The following RAB5B variants were observed in gnomAD, a reference collection of about 807,000 sequenced individuals.
RAB5B encodes the protein ras-related protein Rab-5B.
Under a neutral mutation model 28.6 loss-of-function variants are expected in RAB5B, and 11 were observed. The ratio of observed to expected loss-of-function variants is 0.38; its 90% CI spans 0.24 to 0.64. The LOEUF is 0.64. Among genes scored for constraint, RAB5B ranks in the 30% least tolerant of loss-of-function variants. The pLI is 0.53. For synonymous variants in RAB5B, 93 were observed against 97.9 expected, an observed-to-expected ratio of 0.95 and a Z score of 0.29; for missense variants, 169 against 265.6, an observed-to-expected ratio of 0.64 and a Z score of 2.53.
chr12:55,989,977 A>G lies in RAB5B; in HGVS notation c.194A>G (p.Asp65Gly), dbSNP rs1890060865. ...TTCCTCACCCAGTCCGTTTGTCTAG[A>G]TGACACAACAGTGAAGTTTGAGATC... ...AAFLTQSVCL[D>G]DTTVKFEIWD... Residue 65 changes from aspartate (D) to glycine (G), a missense_variant, in exon 3 of 6, where the codon GAT (aspartate) becomes GGT (glycine). Asp to Gly is a moderately conservative substitution (Grantham distance 94, BLOSUM62 -1). Around this residue, in one of 3 missense-constraint regions of RAB5B, gnomAD observed 43 missense variants for 85.8 expected, o/e 0.50. Coordinates refer to ENST00000360299, the MANE Select transcript of RAB5B (RefSeq NM_002868.4). 3 of 1,613,472 alleles carry G rather than the reference A, an allele frequency of 1.9e-6. No homozygotes were observed. The highest frequency in any genetic ancestry group is 2.5e-6 in the Non-Finnish European group (3 of 1,179,552).
rs556299769 is a variant in RAB5B, at chr12:55,985,630, G to A, written c.-92-1239G>A. ...TTCTTAGCCCTCTTAGAAGATAGAG[G>A]AGCTGATTCAGTGTATTCTTTCATC... On this transcript the variant is annotated intron_variant, in intron 1 of 5. Coordinates refer to ENST00000360299, the MANE Select transcript of RAB5B (RefSeq NM_002868.4). 8.2e-5 allele frequency: 37 copies of A among 451,392 alleles called. No homozygotes were observed. The East Asian group carries it at 2.6e-3, about 32-fold the overall frequency. The allele number at this position is 451,392 out of a possible 1,614,324, so 28.0% of individuals were successfully genotyped here. A position where few individuals can be genotyped will look rare whatever the true frequency, so the allele number is the denominator to read the frequency against.
chr12:55,974,911 G>A (rs565788397), intron 1 of RAB5B, among the ~76,000 whole-genome samples: 33 of 146,242 alleles, frequency 2.3e-4, no homozygotes, highest in African/African-American at 8.0e-4. Flanking sequence ...GGGTAGGGAT[G>A]AAGATCAAAG....
intron 1 of RAB5B, among the ~76,000 whole-genome samples, chr12:55,979,079 A>G (rs185928084): frequency 1.4e-4 from 22 of 152,220 alleles, no homozygotes; most frequent in Non-Finnish European, 1.5e-5. Context: ...GGCCAGAAAT[A>G]CAGTCTTAAT....
intron 2 of RAB5B, among the ~76,000 whole-genome samples, chr12:55,987,835 A>G (rs1402969365): frequency 2.7e-5 from 4 of 150,354 alleles, no homozygotes; most frequent in African/African-American, 9.8e-5. Context: ...CCATCTCCAA[A>G]AAAAAAAAAA....
intron 1 of RAB5B, among the ~76,000 whole-genome samples, chr12:55,984,639 G>A (rs1291434278): frequency 1.3e-5 from 2 of 151,752 alleles, no homozygotes. Flanking sequence ...ACCACACCCA[G>A]CTAATTTTTT....
chr12:55,981,806 CTTTT>C (rs760479306), intron 1 of RAB5B, among the ~76,000 whole-genome samples: 1 of 141,248 alleles, frequency 7.1e-6, no homozygotes, highest in Non-Finnish European at 1.6e-5. Flanking sequence ...AGCCGTACTT[CTTTT>C]TTTTTTTTTT....
chr12:55,983,370 A>G (rs1889862207), intron 1 of RAB5B, among the ~76,000 whole-genome samples: 1 of 152,254 alleles, frequency 6.6e-6, no homozygotes. Flanking sequence ...TTAAAATGTT[A>G]TAATTAAAGA....
At position 55,992,841 on chromosome 12, in the gene RAB5B, G is replaced by A. The variant is rs776805850; in HGVS notation, c.*629G>A. 7.4e-6 allele frequency: 2 copies of A among 271,094 alleles called. No individual in the cohort carries two copies. Among genetic ancestry groups the A allele is most frequent in the Non-Finnish European group, 1.4e-5 (2 of 141,960 alleles). The allele number at this position is 271,094 out of a possible 1,614,324, so 16.8% of individuals were successfully genotyped here. A position where few individuals can be genotyped will look rare whatever the true frequency, so the allele number is the denominator to read the frequency against. Reference sequence around the variant, plus strand: ...GGAGGGTGTTCCTAGGTAGAGGTGAGAATGGGGAGGCAAGATCTCAGGCAC... The same window carrying A: ...GGAGGGTGTTCCTAGGTAGAGGTGAAAATGGGGAGGCAAGATCTCAGGCAC... On this transcript the variant is annotated 3_prime_UTR_variant, in exon 6 of 6. Transcript: ENST00000360299.
At chr12:55,983,699 G>A (rs963025396) in intron 1 of RAB5B, among the ~76,000 whole-genome samples, 4 of 133,564 alleles carry the variant, frequency 3.0e-5, no homozygotes, top group African/African-American at 8.6e-5. Context: ...TTGTTCTGTC[G>A]CCCAGGCTGG....
chr12:55,975,873 T>C (rs999545483), intron 1 of RAB5B, among the ~76,000 whole-genome samples: 1 of 137,598 alleles, frequency 7.3e-6, no homozygotes, highest in Non-Finnish European at 1.5e-5. Flanking sequence ...TGCCTCAGCC[T>C]CCCAAGTAGC....
intron 4 of RAB5B, 24 bp from the exon 5 acceptor site, chr12:55,991,336 A>G (rs2136490993): frequency 6.4e-7 from 1 of 1,570,222 alleles, no homozygotes; most frequent in Middle Eastern, 1.7e-4. Flanking sequence ...CATTCTGAGC[A>G]CTAATACATC....
intron 5 of RAB5B, 185 bp from the exon 6 acceptor site, chr12:55,991,912 C>T: frequency 1.8e-5 from 10 of 545,538 alleles, no homozygotes; most frequent in Middle Eastern, 5.0e-4. Context: ...GGCAACAGAG[C>T]GAGACTCCAT....
At position 55,990,685 on chromosome 12, in the gene RAB5B, A is replaced by T; in HGVS notation, c.319A>T (p.Thr107Ser). Residue 107 changes from threonine to serine, a missense_variant, in exon 4 of 6, where the codon ACC (threonine) becomes TCC (serine). Physicochemically the swap from Thr to Ser is moderately conservative, Grantham distance 58 (BLOSUM62 1). This residue lies in a region of RAB5B where 123 missense variants were observed against 162.4 expected (regional missense o/e 0.76). Coordinates refer to ENST00000360299, the MANE Select transcript of RAB5B (RefSeq NM_002868.4). ...CATTCTCTTCATGTTTTCCTAGGAAACCTTTGCCCGAGCAAAGACATGGGT... is the reference window on the plus strand; with the variant it reads ...CATTCTCTTCATGTTTTCCTAGGAATCCTTTGCCCGAGCAAAGACATGGGT... ...IVVYDITNQE[T>S]FARAKTWVKE... is the part of the protein sequence containing the mutation. 1 of 1,613,586 alleles carries T rather than the reference A, an allele frequency of 6.2e-7. No homozygotes were observed. Among genetic ancestry groups the T allele is most frequent in the South Asian group, 1.1e-5 (1 of 91,084 alleles).
At chr12:55,980,478 T>C (rs1427207924) in intron 1 of RAB5B, 2 of 1,591,874 alleles carry the variant, frequency 1.3e-6, no homozygotes, top group African/African-American at 2.7e-5. Flanking sequence ...AGGTCAGTAC[T>C]GGGAGGCTTG....
chr12:55,974,530 C>T (rs1028032043), intron 1 of RAB5B, among the ~76,000 whole-genome samples: 1 of 152,086 alleles, frequency 6.6e-6, no homozygotes, highest in South Asian at 2.1e-4. Context: ...AGACCTGTCG[C>T]CCGAGCCCCG....
intron 1 of RAB5B, among the ~76,000 whole-genome samples, chr12:55,982,244 CAA>C (rs62786060): frequency 0.38 from 43,837 of 114,852 alleles, 6,854 homozygotes; most frequent in Non-Finnish European, 0.48. Flanking sequence ...ACTGGTTTAC[CAA>C]AAAAAAAAAA....
At chr12:55,982,564 T>C (rs1184948464) in intron 1 of RAB5B, among the ~76,000 whole-genome samples, 1 of 151,952 alleles carries the variant, frequency 6.6e-6, no homozygotes, top group Non-Finnish European at 1.5e-5. Flanking sequence ...AAAATGCTGG[T>C]ATTACAGGCG....
Position 55,994,486 on chromosome 12 carries a change from G to A in RAB5B, c.*2274G>A, listed in dbSNP as rs988602694. The A allele has an allele frequency of 1.4e-5, 2 of 147,542 alleles. No homozygotes were observed. The highest frequency in any genetic ancestry group is 5.0e-5 in the African/African-American group (2 of 39,798). 9.1% of individuals were successfully genotyped at this position (147,542 alleles called of 1,614,324 possible). A position where few individuals can be genotyped will look rare whatever the true frequency, so the allele number is the denominator to read the frequency against. ...CCTCTTCTGCCTTCCTTTGAGCTCT[G>A]TTGGGCTTGGGGATCTTAGTTTTCT... On this transcript the variant is annotated 3_prime_UTR_variant, in exon 6 of 6. Transcript: ENST00000360299.
intron 1 of RAB5B, among the ~76,000 whole-genome samples, chr12:55,979,707 C>T (rs996681565): frequency 2.0e-5 from 3 of 152,130 alleles, no homozygotes; most frequent in African/African-American, 7.2e-5. Flanking sequence ...CCAAGGAAGG[C>T]CTGGGTCTTC....
Sources: allele counts gnomAD v4.1 joint callset (sites outside exome capture counted in the v4.1 genomes callset), GRCh38; gene constraint gnomAD v4.1.1; regional missense constraint gnomAD v4.1.1; transcripts MANE v1.5; gene names NCBI Gene and HGNC (gene_info 2026-07-23, HGNC 2026-07-21).